The following HSPBAP1 variants were observed in gnomAD, a reference collection of about 807,000 sequenced individuals.
HSPBAP1 encodes HSPB1 associated protein 1.
In HSPBAP1, 27 loss-of-function variants were observed where a neutral mutation model predicts 45.2. That is an observed-to-expected ratio of 0.60 (90% confidence interval 0.44 to 0.82). The LOEUF is 0.82. Ranked by LOEUF, HSPBAP1 falls within the 40% of genes least tolerant of loss-of-function variation. The probability of loss-of-function intolerance (pLI) is 0.00; values close to 1 mark genes in which losing one functional copy is unlikely to be tolerated. For synonymous variants in HSPBAP1, 204 were observed against 202.7 expected (o/e 1.01, Z -0.06); for missense variants, 510 against 590.9 (o/e 0.86, Z 1.42).
At chr3:122,758,702 T>C (rs79574369) in intron 4 of HSPBAP1, 38,102 of 453,352 alleles carry the variant, frequency 0.084, 2,219 homozygotes, top group Non-Finnish European at 0.13. Context: ...AGGCCATACT[T>C]GGGCAACACA....
chr3:122,747,673 G>C (rs1435066235), intron 6 of HSPBAP1, among the ~76,000 whole-genome samples: 1 of 148,140 alleles, frequency 6.8e-6, no homozygotes, highest in Non-Finnish European at 1.5e-5. Flanking sequence ...CCGTCCGGGA[G>C]GTGAGGGGCG....
chr3:122,754,877 G>A (rs558488280), intron 5 of HSPBAP1: 1 of 993,148 alleles, frequency 1.0e-6, no homozygotes, highest in African/African-American at 1.7e-5. Context: ...TTATGTGTCT[G>A]GGTTCAGTGC....
chr3:122,742,456 T>C (rs1194240108), intron 6 of HSPBAP1, among the ~76,000 whole-genome samples: 1 of 152,182 alleles, frequency 6.6e-6, no homozygotes, highest in Non-Finnish European at 1.5e-5. Flanking sequence ...TCTTCATACA[T>C]TGCTGGTGGG....
chr3:122,777,160 A>T (rs1286798998), intron 2 of HSPBAP1, among the ~76,000 whole-genome samples: 1 of 152,238 alleles, frequency 6.6e-6, no homozygotes, highest in Non-Finnish European at 1.5e-5. Context: ...AAGAAGAGGC[A>T]GAATCTATTT....
intron 1 of HSPBAP1, among the ~76,000 whole-genome samples, chr3:122,792,764 G>C (rs1277060131): frequency 1.3e-5 from 2 of 152,008 alleles, no homozygotes; most frequent in African/African-American, 4.8e-5. Flanking sequence ...CCAGCTGCTT[G>C]GGACGCTGAG....
intron 6 of HSPBAP1, among the ~76,000 whole-genome samples, chr3:122,750,515 ATATCTATCTATC>A (rs9289203): frequency 1.7e-4 from 26 of 149,156 alleles, no homozygotes; most frequent in Middle Eastern, 3.5e-3. Context: ...AAATACATCA[ATATCTATCTATC>A]TATCTATCTA....
chr3:122,781,770 C>G (rs972815076), intron 1 of HSPBAP1, among the ~76,000 whole-genome samples: 7 of 152,170 alleles, frequency 4.6e-5, no homozygotes, highest in Admixed American at 2.6e-4. Context: ...CCATCTGCAT[C>G]CATGTTGCTG....
intron 3 of HSPBAP1, among the ~76,000 whole-genome samples, chr3:122,762,717 G>T (rs1250306605): frequency 1.3e-5 from 2 of 152,112 alleles, no homozygotes; most frequent in Non-Finnish European, 2.9e-5. Context: ...ATTTAATTCT[G>T]TTGTGGTGAG....
At chr3:122,765,056 G>C (rs565640651) in intron 3 of HSPBAP1, among the ~76,000 whole-genome samples, 58 of 152,252 alleles carry the variant, frequency 3.8e-4, no homozygotes, top group African/African-American at 1.3e-3. Flanking sequence ...AATGAATAAT[G>C]GCGTCTGATG....
chr3:122,781,398 T>C (rs1305029120), intron 1 of HSPBAP1, among the ~76,000 whole-genome samples: 1 of 151,954 alleles, frequency 6.6e-6, no homozygotes, highest in Non-Finnish European at 1.5e-5. Context: ...ACCAAAAAAA[T>C]ACGAAAACCA....
chr3:122,773,179 C>T (rs1412314706), intron 2 of HSPBAP1, among the ~76,000 whole-genome samples: 1 of 150,938 alleles, frequency 6.6e-6, no homozygotes, highest in African/African-American at 2.4e-5. Context: ...ATGAAGAATT[C>T]AAAAAAATTT....
At chr3:122,750,518 T>TCTATCTAG (rs1206303459) in intron 6 of HSPBAP1, among the ~76,000 whole-genome samples, 2 of 130,830 alleles carry the variant, frequency 1.5e-5, no homozygotes, top group Non-Finnish European at 3.2e-5. Flanking sequence ...TACATCAATA[T>TCTATCTAG]CTATCTATCT....
chr3:122,780,360 G>A (rs1246730294), intron 1 of HSPBAP1, among the ~76,000 whole-genome samples: 5 of 124,078 alleles, frequency 4.0e-5, no homozygotes, highest in Non-Finnish European at 8.8e-5. Context: ...CTCCCGGACG[G>A]GGCGGCTGAC....
At chr3:122,740,933 C>T in intron 7 of HSPBAP1, 58 bp from the exon 8 acceptor site, 1 of 1,606,732 alleles carries the variant, frequency 6.2e-7, no homozygotes, top group Non-Finnish European at 8.5e-7. Flanking sequence ...CACTGGAAAA[C>T]ATATGTTCTA....
chr3:122,755,379 T>C lies in HSPBAP1; in HGVS notation c.622A>G (p.Arg208Gly). The C allele has an allele frequency of 6.3e-7, 1 of 1,590,374 alleles. No homozygotes were observed. Among genetic ancestry groups the C allele is most frequent in the Non-Finnish European group, 8.6e-7 (1 of 1,168,518 alleles). ...PEDTPFLYPT[R>G]IPYEESSVFS... is the part of the protein sequence containing the mutation. Reference sequence around the variant, plus strand: ...ACACTAGATTCTTCATAAGGGATTCTAGTTGGATAAAGGAAAGGAGTATCT... The same window carrying C: ...ACACTAGATTCTTCATAAGGGATTCCAGTTGGATAAAGGAAAGGAGTATCT... The change falls in exon 5 of 8, where the codon AGA becomes GGA. Residue 208 changes from arginine (R) to glycine (G), a missense_variant. Coordinates refer to ENST00000306103, the MANE Select transcript of HSPBAP1 (RefSeq NM_024610.6).
intron 1 of HSPBAP1, among the ~76,000 whole-genome samples, chr3:122,789,911 G>GA (rs11444214): frequency 0.59 from 88,591 of 148,942 alleles, 26,612 homozygotes; most frequent in Non-Finnish European, 0.65. Context: ...TGCTCAGGCT[G>GA]GAGTGCCATA....
chr3:122,755,102 C>T (rs929461034), intron 5 of HSPBAP1, 158 bp downstream of exon 5: 10 of 1,231,922 alleles, frequency 8.1e-6, no homozygotes, highest in Non-Finnish European at 9.2e-6. Context: ...TGTCTGAAGC[C>T]TACAACTGGG....
chr3:122,746,763 C>T (rs376704109), intron 6 of HSPBAP1, among the ~76,000 whole-genome samples: 5,040 of 152,168 alleles, frequency 0.033, 113 homozygotes, highest in Middle Eastern at 0.088. Flanking sequence ...CCTGATTCTC[C>T]TGCCTCGGCC....
chr3:122,777,970 G>T, intron 1 of HSPBAP1, 64 bp from the exon 2 acceptor site: 1 of 1,039,410 alleles, frequency 9.6e-7, no homozygotes, highest in Non-Finnish European at 1.4e-6. Context: ...ACAATATGGA[G>T]AAAAAATAGC....
Sources: gnomAD v4.1 joint callset for allele counts (sites outside exome capture counted in the v4.1 genomes callset) on GRCh38, gnomAD v4.1.1 for gene constraint, MANE v1.5 for transcripts, NCBI Gene and HGNC (gene_info 2026-07-23, HGNC 2026-07-21) for gene names.